The following CDH18 variants were observed in gnomAD, a reference collection of about 807,000 sequenced individuals.
The protein encoded by CDH18 is cadherin 18.
CDH18 carries 31 observed loss-of-function variants against 67.9 expected under a neutral mutation model. The ratio of observed to expected loss-of-function variants is 0.46; its 90% CI spans 0.34 to 0.62. The LOEUF (loss-of-function observed/expected upper bound fraction) is 0.62. CDH18 is among the 20% of genes least tolerant of loss of function. The pLI is 0.01. For missense variants in CDH18, 890 were observed against 975.5 expected, an observed-to-expected ratio of 0.91 and a Z score of 1.17; for synonymous variants, 362 against 347.2, an observed-to-expected ratio of 1.04 and a Z score of -0.48.
chr5:20,472,150 T>C (rs1248621619), intron 1 of CDH18, among the ~76,000 whole-genome samples: 1 of 152,216 alleles, frequency 6.6e-6, no homozygotes, highest in East Asian at 1.9e-4. Context: ...TGTTATCTTC[T>C]ATGAGACCTT....
intron 1 of CDH18, among the ~76,000 whole-genome samples, chr5:20,342,746 TA>T (rs1196208928): frequency 6.6e-6 from 1 of 152,112 alleles, no homozygotes; most frequent in Non-Finnish European, 1.5e-5. Context: ...GTCAGGGAGT[TA>T]AAAAAGGTTC....
chr5:20,175,333 C>T (rs1737148916), intron 2 of CDH18, among the ~76,000 whole-genome samples: 1 of 152,096 alleles, frequency 6.6e-6, no homozygotes, highest in Non-Finnish European at 1.5e-5. Flanking sequence ...GTGAACCCAG[C>T]CACCTCTCTC....
At chr5:20,321,475 A>G (rs148585407) in intron 1 of CDH18, among the ~76,000 whole-genome samples, 1 of 152,154 alleles carries the variant, frequency 6.6e-6, no homozygotes, top group East Asian at 1.9e-4. Flanking sequence ...TCAAGCAGAA[A>G]CTTAGGAAAA....
chr5:19,766,259 A>T (rs1224586368), intron 3 of CDH18, among the ~76,000 whole-genome samples: 1 of 152,212 alleles, frequency 6.6e-6, no homozygotes, highest in African/African-American at 2.4e-5. Context: ...TATGTATCAG[A>T]GTAAGAAGCT....
rs574378003 is a variant in CDH18 at position 20,362,135 on chromosome 5, A to G, written c.-579-106630T>C. On this transcript the variant is annotated intron_variant, in intron 1 of 14. Coordinates refer to the CDH18 transcript ENST00000507958. ...AATGTAATTTAGTCAGGCAGGAATC[A>G]TAAACATTTACATTAATTCAACTTT... Among the ~76,000 whole-genome samples, 206 of 152,318 alleles carry G rather than the reference A, an allele frequency of 1.4e-3. 4 individuals carry two copies. Among genetic ancestry groups the G allele is most frequent in the African/African-American group, 4.8e-3 (201 of 41,584 alleles).
intron 1 of CDH18, among the ~76,000 whole-genome samples, chr5:20,358,157 GAGAA>G (rs548002896): frequency 6.6e-6 from 1 of 152,284 alleles, no homozygotes; most frequent in East Asian, 1.9e-4. Flanking sequence ...AGTGGGCAGA[GAGAA>G]AGAGGGAGGG....
chr5:20,184,892 T>C (rs1737971492), intron 2 of CDH18, among the ~76,000 whole-genome samples: 1 of 152,028 alleles, frequency 6.6e-6, no homozygotes, highest in East Asian at 1.9e-4. Context: ...GGCATGCTAG[T>C]CCTCAGTTAC....
intron 2 of CDH18, among the ~76,000 whole-genome samples, chr5:19,921,352 A>G (rs1792444840): frequency 3.3e-5 from 5 of 152,096 alleles, no homozygotes; most frequent in Admixed American, 2.6e-4. Flanking sequence ...TAACACAGTG[A>G]AACCCTGTCT....
chr5:20,365,204 G>T (rs112075910), intron 1 of CDH18, among the ~76,000 whole-genome samples: 1 of 152,238 alleles, frequency 6.6e-6, no homozygotes, highest in Non-Finnish European at 1.5e-5. Flanking sequence ...TGGCTGCCTG[G>T]CTGTGTGCTG....
At chr5:20,078,025 T>G (rs1302283779) in intron 2 of CDH18, among the ~76,000 whole-genome samples, 1 of 152,226 alleles carries the variant, frequency 6.6e-6, no homozygotes, top group Non-Finnish European at 1.5e-5. Context: ...AGACTGCCTG[T>G]GCATGGAGAA....
intron 2 of CDH18, among the ~76,000 whole-genome samples, chr5:19,905,953 C>T (rs1167936160): frequency 2.0e-5 from 3 of 152,028 alleles, no homozygotes; most frequent in Non-Finnish European, 4.4e-5. Context: ...ACCATCTTTT[C>T]TTTCTAGATA....
Position 19,591,627 on chromosome 5 carries a change from T to C in CDH18, c.812-383A>G, listed in dbSNP as rs191378041. Among the ~76,000 whole-genome samples the C allele has an allele frequency of 1.6e-3, 238 of 152,058 alleles. 1 individual carries two copies. Among genetic ancestry groups the C allele is most frequent in the African/African-American group, 5.6e-3 (232 of 41,518 alleles). Reference sequence around the variant, plus strand: ...ACCCATCGTAAATGTGAAGTTCAAATATAAAAATGTGGAAACAAAAAGTAT... The same window carrying C: ...ACCCATCGTAAATGTGAAGTTCAAACATAAAAATGTGGAAACAAAAAGTAT... On this transcript the variant is annotated intron_variant, in intron 6 of 12. Transcript: ENST00000382275.
intron 1 of CDH18, among the ~76,000 whole-genome samples, chr5:20,494,570 G>T (rs1753799264): frequency 6.6e-6 from 1 of 152,028 alleles, no homozygotes; most frequent in Admixed American, 6.6e-5. Context: ...CATGAAAAAA[G>T]AAATTGGCCA....
At chr5:19,520,526 C>T (rs1245820043) in intron 10 of CDH18, 131 bp downstream of exon 10, 2 of 742,058 alleles carry the variant, frequency 2.7e-6, no homozygotes, top group Non-Finnish European at 3.9e-6. Context: ...TAAAATAAAG[C>T]TTTATGAAAT....
intron 5 of CDH18, among the ~76,000 whole-genome samples, chr5:19,690,096 T>C (rs1046588283): frequency 5.4e-5 from 8 of 148,340 alleles, no homozygotes; most frequent in African/African-American, 1.7e-4. Context: ...TATATATATA[T>C]ACATATATAT....
intron 1 of CDH18, among the ~76,000 whole-genome samples, chr5:20,521,470 G>C (rs1334665092): frequency 6.6e-6 from 1 of 152,066 alleles, no homozygotes; most frequent in Non-Finnish European, 1.5e-5. Context: ...GGCAATCACT[G>C]GTGAACTTGA....
intron 1 of CDH18, among the ~76,000 whole-genome samples, chr5:20,508,275 C>T (rs1407941113): frequency 7.1e-6 from 1 of 140,708 alleles, no homozygotes; most frequent in East Asian, 2.1e-4. Context: ...ATATAAGGTC[C>T]TTCTGTAATT....
chr5:20,187,703 C>G (rs1738210797), intron 2 of CDH18, among the ~76,000 whole-genome samples: 1 of 151,736 alleles, frequency 6.6e-6, no homozygotes, highest in Non-Finnish European at 1.5e-5. Context: ...TATATGTAAT[C>G]AAGAATCTGA....
intron 2 of CDH18, among the ~76,000 whole-genome samples, chr5:19,886,851 C>G (rs1788265652): frequency 6.6e-6 from 1 of 152,134 alleles, no homozygotes; most frequent in Admixed American, 6.6e-5. Flanking sequence ...ATATGATATA[C>G]TATTCTTTTT....
Sources: allele counts gnomAD v4.1 joint callset (sites outside exome capture counted in the v4.1 genomes callset), GRCh38; gene constraint gnomAD v4.1.1; transcripts MANE v1.5; gene names NCBI Gene and HGNC (gene_info 2026-07-23, HGNC 2026-07-21).